Variants in SCP2 observed in about 807,000 individuals in gnomAD.
The protein encoded by SCP2 is SCP-2/3-oxoacyl-CoA thiolase.
SCP2 carries 48 observed loss-of-function variants against 71.4 expected under a neutral mutation model. The observed-to-expected ratio is 0.67, with a 90% confidence interval of 0.53 to 0.86. The LOEUF is 0.86. Among genes scored for constraint, SCP2 ranks in the 40% least tolerant of loss-of-function variants. The pLI, the probability that SCP2 is intolerant of heterozygous loss-of-function variation, is 0.00. For synonymous variants in SCP2, 220 were observed against 218.1 expected, an observed-to-expected ratio of 1.01 and a Z score of -0.08; for missense variants, 560 against 655.6, an observed-to-expected ratio of 0.85 and a Z score of 1.59.
chr1:52,968,840 G>A (rs1657205241), intron 6 of SCP2, among the ~76,000 whole-genome samples: 1 of 152,064 alleles, frequency 6.6e-6, no homozygotes, highest in Non-Finnish European at 1.5e-5. Flanking sequence ...GCCTGCTCTT[G>A]ACCAGAAGCC....
At chr1:52,969,445 G>T (rs966749808) in intron 6 of SCP2, among the ~76,000 whole-genome samples, 2 of 152,166 alleles carry the variant, frequency 1.3e-5, no homozygotes, top group Non-Finnish European at 2.9e-5. Context: ...GAAGGAGGAG[G>T]CTGCAGTAAG....
intron 4 of SCP2, among the ~76,000 whole-genome samples, chr1:52,952,267 C>G (rs1655382900): frequency 6.6e-6 from 1 of 152,024 alleles, no homozygotes; most frequent in African/African-American, 2.4e-5. Flanking sequence ...ACAATGTTTT[C>G]ACAATTTATT....
chr1:52,932,625 G>A (rs975409083), intron 1 of SCP2, among the ~76,000 whole-genome samples: 4 of 152,120 alleles, frequency 2.6e-5, no homozygotes, highest in Admixed American at 6.5e-5. Flanking sequence ...CCAGGAGGGA[G>A]GTCTCTAGAA....
intron 13 of SCP2, among the ~76,000 whole-genome samples, chr1:53,037,928 ACAG>A (rs1663111481): frequency 1.6e-5 from 2 of 126,236 alleles, no homozygotes; most frequent in South Asian, 2.8e-4. Flanking sequence ...ACACACACAC[ACAG>A]ATCCAGATCC....
intron 12 of SCP2, among the ~76,000 whole-genome samples, chr1:53,020,524 CCT>C (rs1661643409): frequency 6.6e-6 from 1 of 152,086 alleles, no homozygotes; most frequent in Non-Finnish European, 1.5e-5. Flanking sequence ...GTCTCAGACT[CCT>C]GGAGTCAAGC....
In SCP2 at chr1:53,015,032, G is replaced by C. The variant is rs80253221; in HGVS notation, c.1224G>C (p.Pro408=). The change falls in exon 12 of 16, where the codon CCG becomes CCC. Residue 408 remains proline, a synonymous_variant. Coordinates refer to ENST00000371514, the MANE Select transcript of SCP2 (RefSeq NM_002979.5). Reference sequence around the variant, plus strand: ...TAACACTCTACAAGATGGGTTTTCCGGAAGCCGCCAGGTGAGTGACATTCA... The same window carrying C: ...TAACACTCTACAAGATGGGTTTTCCCGAAGCCGCCAGGTGAGTGACATTCA... ...VVVTLYKMGF[P]EAASSFRTHQ... 6.2e-7 allele frequency: 1 copy of C among 1,614,084 alleles called. No individual in the cohort carries two copies. Among genetic ancestry groups the C allele is most frequent in the Non-Finnish European group, 8.5e-7 (1 of 1,180,000 alleles).
intron 14 of SCP2, among the ~76,000 whole-genome samples, chr1:53,045,536 GTACT>G (rs1374883800): frequency 3.3e-5 from 5 of 152,042 alleles, no homozygotes; most frequent in African/African-American, 1.2e-4. Flanking sequence ...CATTTCCATC[GTACT>G]TACTTCTACT....
At chr1:52,986,227 C>T (rs1304167748) in intron 10 of SCP2, among the ~76,000 whole-genome samples, 2 of 152,122 alleles carry the variant, frequency 1.3e-5, no homozygotes, top group Non-Finnish European at 2.9e-5. Context: ...AAGATAACTT[C>T]CCTTTGGAAT....
At chr1:52,947,241 TAAAAAAAAAAA>T (rs34249724) in intron 2 of SCP2, among the ~76,000 whole-genome samples, 3 of 54,424 alleles carry the variant, frequency 5.5e-5, no homozygotes, top group Non-Finnish European at 1.0e-4. Flanking sequence ...ATGTTGTCCT[TAAAAAAAAAAA>T]AAAAAAAAAA....
chr1:52,948,957 T>G (rs6681244), intron 3 of SCP2, among the ~76,000 whole-genome samples: 11,926 of 151,756 alleles, frequency 0.079, 1,037 homozygotes, highest in Admixed American at 0.19. Context: ...ATTTTTTTTT[T>G]TTTGTTTTTG....
chr1:53,004,072 T>A (rs1485458021), intron 11 of SCP2, among the ~76,000 whole-genome samples: 1 of 152,170 alleles, frequency 6.6e-6, no homozygotes, highest in Non-Finnish European at 1.5e-5. Flanking sequence ...GTCATTCTAA[T>A]AACAAAGATA....
chr1:53,022,091 G>A (rs566958988), intron 12 of SCP2, among the ~76,000 whole-genome samples: 6 of 152,278 alleles, frequency 3.9e-5, no homozygotes, highest in East Asian at 1.9e-4. Context: ...ATCTTAGAAC[G>A]TTTTCGTCAC....
At chr1:53,009,157 C>T (rs2150221003) in intron 11 of SCP2, among the ~76,000 whole-genome samples, 1 of 152,282 alleles carries the variant, frequency 6.6e-6, no homozygotes, top group Admixed American at 6.5e-5. Context: ...ACATTCCATG[C>T]TCATGGGTAG....
intron 12 of SCP2, among the ~76,000 whole-genome samples, chr1:53,025,036 G>C (rs915622134): frequency 6.6e-6 from 1 of 152,082 alleles, no homozygotes; most frequent in African/African-American, 2.4e-5. Flanking sequence ...GAGCCACGCT[G>C]TGTCTATTTC....
chr1:52,989,063 T>C (rs575671795), intron 11 of SCP2, among the ~76,000 whole-genome samples: 2 of 152,254 alleles, frequency 1.3e-5, no homozygotes, highest in Non-Finnish European at 2.9e-5. Flanking sequence ...CGTAAGATTT[T>C]TACAGCTGCC....
intron 12 of SCP2, among the ~76,000 whole-genome samples, chr1:53,026,965 T>A (rs6689450): frequency 0.31 from 45,121 of 146,454 alleles, 11,819 homozygotes; most frequent in African/African-American, 0.71. Context: ...TTTTGACAGG[T>A]TCTCACTCTG....
chr1:52,999,170 C>T (rs1027306703), intron 11 of SCP2, among the ~76,000 whole-genome samples: 1 of 152,130 alleles, frequency 6.6e-6, no homozygotes, highest in African/African-American at 2.4e-5. Context: ...GTAAATGTTT[C>T]CTTGCTACAT....
chr1:53,023,243 C>T lies in SCP2; in HGVS notation c.1236-4726C>T, dbSNP rs189320410. Among the ~76,000 whole-genome samples the T allele has an allele frequency of 6.6e-3, 1,002 of 152,244 alleles. 18 individuals carry two copies. Among genetic ancestry groups the T allele is most frequent in the African/African-American group, 0.022 (909 of 41,546 alleles). ...TTTTCAAAACAAGCAAGATAAAAGA[C>T]ACACCTGTGACCTTTGGGAACATGC... On this transcript the variant is annotated intron_variant, in intron 12 of 15. Transcript: ENST00000371514.
chr1:52,976,803 A>C, intron 8 of SCP2, 34 bp downstream of exon 8: 4 of 1,050,886 alleles, frequency 3.8e-6, no homozygotes, highest in Non-Finnish European at 6.0e-6. Flanking sequence ...TTAATGAGGG[A>C]AGTAACTGCT....
Sources: gnomAD v4.1 joint callset for allele counts (sites outside exome capture counted in the v4.1 genomes callset) on GRCh38, gnomAD v4.1.1 for gene constraint, MANE v1.5 for transcripts, NCBI Gene and HGNC (gene_info 2026-07-23, HGNC 2026-07-21) for gene names.